Variants in MLLT3 observed in about 807,000 individuals in gnomAD.
MLLT3 encodes MLLT3 super elongation complex subunit.
Under a neutral mutation model 53.2 loss-of-function variants are expected in MLLT3, and 4 were observed. The ratio of observed to expected loss-of-function variants is 0.08; its 90% CI spans 0.04 to 0.17. The LOEUF (loss-of-function observed/expected upper bound fraction) is 0.17, where lower values mean the gene tolerates loss of function less well. Among genes scored for constraint, MLLT3 ranks in the 10% least tolerant of loss-of-function variants. The pLI is 1.00. For synonymous variants in MLLT3, 283 were observed against 230.6 expected (o/e 1.23, Z -2.06); for missense variants, 569 against 684.0 (o/e 0.83, Z 1.87).
chr9:20,437,401 C>A (rs867780936), intron 4 of MLLT3, among the ~76,000 whole-genome samples: 2 of 151,364 alleles, frequency 1.3e-5, no homozygotes, highest in Non-Finnish European at 2.9e-5. Flanking sequence ...ATTAAGTGTA[C>A]GTATATAAGC....
chr9:20,378,954 G>A (rs1445000984), intron 5 of MLLT3, among the ~76,000 whole-genome samples: 2 of 152,012 alleles, frequency 1.3e-5, no homozygotes, highest in Non-Finnish European at 2.9e-5. Context: ...CAGAATAGGA[G>A]GAATGCTGCT....
At chr9:20,570,618 C>T (rs989637565) in intron 2 of MLLT3, among the ~76,000 whole-genome samples, 3 of 152,130 alleles carry the variant, frequency 2.0e-5, no homozygotes, top group Non-Finnish European at 2.9e-5. Context: ...GTGAACCTTA[C>T]CAATTTTTGT....
intron 5 of MLLT3, among the ~76,000 whole-genome samples, chr9:20,405,614 A>G (rs1205121480): frequency 3.9e-5 from 6 of 152,222 alleles, no homozygotes; most frequent in Non-Finnish European, 8.8e-5. Context: ...AGAAGATATA[A>G]AATAAAAGAG....
At chr9:20,536,726 GT>G (rs959530438) in intron 2 of MLLT3, among the ~76,000 whole-genome samples, 3 of 151,768 alleles carry the variant, frequency 2.0e-5, no homozygotes, top group Non-Finnish European at 2.9e-5. Context: ...TATTTTGTTT[GT>G]TTTAATAAAA....
intron 2 of MLLT3, among the ~76,000 whole-genome samples, chr9:20,487,559 A>C (rs1435281404): frequency 6.6e-6 from 1 of 152,082 alleles, no homozygotes; most frequent in Non-Finnish European, 1.5e-5. Flanking sequence ...ACTATTCATC[A>C]CTTTCTTACA....
At chr9:20,527,770 T>C (rs1425088454) in intron 2 of MLLT3, among the ~76,000 whole-genome samples, 1 of 152,194 alleles carries the variant, frequency 6.6e-6, no homozygotes, top group African/African-American at 2.4e-5. Flanking sequence ...TGTGCTCAAA[T>C]TGAATATCCA....
intron 2 of MLLT3, among the ~76,000 whole-genome samples, chr9:20,602,055 T>C (rs1328342397): frequency 1.3e-5 from 2 of 152,146 alleles, no homozygotes; most frequent in East Asian, 3.8e-4. Context: ...CACACAAAGA[T>C]ATAATCCCAG....
rs1330203186 is a variant in MLLT3, at chr9:20,413,904, T to G, written c.942A>C (p.Pro314=). ...EALFKSFSSA[P]PLILTCSADK... ...CAGCAGAACAAGTGAGTATCAGTGG[T>G]GGTGCGCTAGAAAAACTTTTAAATA... is the stretch of plus-strand genomic sequence containing the variant. The change falls in exon 5 of 11, where the codon CCA becomes CCC. Residue 314 remains proline (P), a synonymous_variant. Transcript: ENST00000380338. The G allele has an allele frequency of 6.2e-7, 1 of 1,613,764 alleles. No homozygotes were observed. The highest frequency in any genetic ancestry group is 1.1e-5 in the South Asian group (1 of 90,984).
chr9:20,523,601 C>T (rs959295191), intron 2 of MLLT3, among the ~76,000 whole-genome samples: 20 of 152,152 alleles, frequency 1.3e-4, no homozygotes, highest in Admixed American at 1.3e-4. Context: ...ATGAAAGAAG[C>T]CAGTCTGAAA....
At chr9:20,597,708 C>A (rs1406045079) in intron 2 of MLLT3, among the ~76,000 whole-genome samples, 1 of 152,020 alleles carries the variant, frequency 6.6e-6, no homozygotes, top group African/African-American at 2.4e-5. Context: ...TTTGTTTTTT[C>A]TTTCTGTGAA....
chr9:20,605,606 TACTC>T (rs906716774), intron 2 of MLLT3, among the ~76,000 whole-genome samples: 3 of 152,062 alleles, frequency 2.0e-5, no homozygotes, highest in African/African-American at 4.8e-5. Context: ...TATATTGTCT[TACTC>T]AAGTAATTCG....
intron 2 of MLLT3, among the ~76,000 whole-genome samples, chr9:20,567,834 G>T (rs146593794): frequency 1.3e-5 from 2 of 152,164 alleles, no homozygotes; most frequent in East Asian, 3.9e-4. Context: ...AAACTAACAG[G>T]TCTTCATTCC....
At chr9:20,405,394 C>T (rs1304437726) in intron 5 of MLLT3, among the ~76,000 whole-genome samples, 1 of 152,178 alleles carries the variant, frequency 6.6e-6, no homozygotes, top group Non-Finnish European at 1.5e-5. Flanking sequence ...GTTAACAGTA[C>T]TAAATTTTAT....
intron 4 of MLLT3, among the ~76,000 whole-genome samples, chr9:20,443,543 C>A (rs1256966925): frequency 1.3e-5 from 2 of 152,194 alleles, no homozygotes; most frequent in South Asian, 4.1e-4. Flanking sequence ...AGTGCCAACA[C>A]CTTGAAGGAA....
chr9:20,500,300 C>G (rs1372606946), intron 2 of MLLT3, among the ~76,000 whole-genome samples: 1 of 152,188 alleles, frequency 6.6e-6, no homozygotes, highest in Non-Finnish European at 1.5e-5. Flanking sequence ...CTCTGAGCAG[C>G]TGGACTGCTT....
At chr9:20,576,078 C>G (rs1819645146) in intron 2 of MLLT3, among the ~76,000 whole-genome samples, 1 of 152,216 alleles carries the variant, frequency 6.6e-6, no homozygotes, top group South Asian at 2.1e-4. Flanking sequence ...GCTTCTACAT[C>G]AGCACTTGCT....
chr9:20,591,136 T>C (rs894617606), intron 2 of MLLT3, among the ~76,000 whole-genome samples: 7 of 152,198 alleles, frequency 4.6e-5, no homozygotes, highest in Admixed American at 6.5e-5. Context: ...CTAGTGGCAT[T>C]CTGAATTTAT....
intron 5 of MLLT3, among the ~76,000 whole-genome samples, chr9:20,388,776 A>T (rs1822108628): frequency 6.6e-6 from 1 of 152,206 alleles, no homozygotes; most frequent in Non-Finnish European, 1.5e-5. Context: ...GATGTCACCA[A>T]GAATAAGAAT....
intron 2 of MLLT3, among the ~76,000 whole-genome samples, chr9:20,513,450 G>A (rs1203265128): frequency 2.0e-5 from 3 of 152,208 alleles, no homozygotes; most frequent in African/African-American, 7.2e-5. Flanking sequence ...CAAGATGGCA[G>A]GGAAATGCAC....
Sources: gnomAD v4.1 joint callset for allele counts (sites outside exome capture counted in the v4.1 genomes callset) on GRCh38, gnomAD v4.1.1 for gene constraint, MANE v1.5 for transcripts, NCBI Gene and HGNC (gene_info 2026-07-23, HGNC 2026-07-21) for gene names.